GRSF1: variants seen among roughly 807,000 people sequenced by gnomAD.
GRSF1 encodes the protein G-rich sequence factor 1.
A neutral mutation model predicts 51.1 loss-of-function variants in GRSF1; 50 were observed. That is an observed-to-expected ratio of 0.98 (90% CI 0.78 to 1.24). The LOEUF is 1.24. GRSF1 is among the 50% of genes most tolerant of loss of function. GRSF1 has a pLI of 0.00. For synonymous variants in GRSF1, 293 were observed against 253.3 expected, an observed-to-expected ratio of 1.16 and a Z score of -1.49; for missense variants, 700 against 639.7, an observed-to-expected ratio of 1.09 and a Z score of -1.02.
upstream of GRSF1, among the ~76,000 whole-genome samples, chr4:70,840,698 G>A (rs568433478): frequency 6.6e-6 from 1 of 152,146 alleles, no homozygotes; most frequent in Non-Finnish European, 1.5e-5. Flanking sequence ...AGGAGGCGGA[G>A]GTTGCAGTGA....
At chr4:70,832,739 G>C (rs1443023573) in intron 3 of GRSF1, among the ~76,000 whole-genome samples, 1 of 152,246 alleles carries the variant, frequency 6.6e-6, no homozygotes, top group African/African-American at 2.4e-5. Flanking sequence ...CCTGAGGTCA[G>C]GAGTTTGAGA....
rs1734200223 is a variant in GRSF1, at chr4:70,836,176, C to T, written c.496G>A (p.Val166Met). The change falls in exon 2 of 10, where the codon GTG becomes ATG. Residue 166 changes from valine to methionine, a missense_variant. Physicochemically the swap from Val to Met is conservative, Grantham distance 21 (BLOSUM62 1). Transcript: ENST00000254799. ...GLPWSCTMED[V>M]LNFFSDCRIR... ...AATATACCTGAAAAAAAGTTAAGCA[C>T]ATCTTCCATAGTGCATGACCAGGGC... The T allele has an allele frequency of 6.5e-7, 1 of 1,548,296 alleles. No homozygotes were observed. Among genetic ancestry groups the T allele is most frequent in the Non-Finnish European group, 8.7e-7 (1 of 1,154,548 alleles).
At position 70,818,547 on chromosome 4, in the gene GRSF1, C is replaced by G. The variant is rs147136403; in HGVS notation, c.*2340G>C. The G allele has an allele frequency of 1.3e-5, 2 of 152,180 alleles. No homozygotes were observed. The highest frequency in any genetic ancestry group is 1.5e-5 in the Non-Finnish European group (1 of 68,036). 9.4% of individuals were successfully genotyped at this position (152,180 alleles called of 1,614,324 possible). A position where few individuals can be genotyped will look rare whatever the true frequency, so the allele number is the denominator to read the frequency against. On this transcript the variant is annotated 3_prime_UTR_variant, in exon 10 of 10. Transcript: ENST00000254799. Reference sequence around the variant, plus strand: ...ACATGACAGAAGCTTAAGTTACCCACGCATAAAGGGACACATACTCTATTT... The same window carrying G: ...ACATGACAGAAGCTTAAGTTACCCAGGCATAAAGGGACACATACTCTATTT...
rs745518563 is a variant in GRSF1 at position 70,825,415 on chromosome 4, T to A, written c.1274A>T (p.Lys425Met). The A allele has an allele frequency of 6.2e-7, 1 of 1,609,624 alleles. No individual in the cohort carries two copies. Among genetic ancestry groups the A allele is most frequent in the South Asian group, 1.1e-5 (1 of 90,494 alleles). Reference sequence around the variant, plus strand: ...GTATTCCATGGTGATTCTAACAGGCTTGAGTGGAGCAAAAAACTAAACGAC... The same window carrying A: ...GTATTCCATGGTGATTCTAACAGGCATGAGTGGAGCAAAAAACTAAACGAC... ...QDIINFFAPL[K>M]PVRITMEYSS... The change falls in exon 8 of 10, where the codon AAG (lysine) becomes ATG (methionine). Residue 425 changes from lysine to methionine, a missense_variant. Coordinates refer to ENST00000254799, the MANE Select transcript of GRSF1 (RefSeq NM_002092.4).
chr4:70,821,638 A>G (rs1437606495), intron 9 of GRSF1, among the ~76,000 whole-genome samples: 2 of 148,378 alleles, frequency 1.3e-5, no homozygotes, highest in African/African-American at 4.9e-5. Context: ...AGAATAGGAT[A>G]TAGTAATAGA....
At chr4:70,825,115 T>A (rs1445451071) in intron 8 of GRSF1, among the ~76,000 whole-genome samples, 181 bp downstream of exon 8, 1 of 151,882 alleles carries the variant, frequency 6.6e-6, no homozygotes, top group East Asian at 1.9e-4. Context: ...ATTTGCAGGA[T>A]AATTAGCAGA....
At chr4:70,832,710 G>C (rs1165838625) in intron 3 of GRSF1, among the ~76,000 whole-genome samples, 1 of 152,222 alleles carries the variant, frequency 6.6e-6, no homozygotes, top group African/African-American at 2.4e-5. Context: ...AACTTTGGGA[G>C]GCCAAGGCGG....
At chr4:70,826,318 T>C in intron 6 of GRSF1, 73 bp from the exon 7 acceptor site, 1 of 1,250,302 alleles carries the variant, frequency 8.0e-7, no homozygotes, top group South Asian at 1.5e-5. Flanking sequence ...TAATTAGGTA[T>C]GACTTTTATG....
At chr4:70,827,349 C>A (rs1232453957) in intron 6 of GRSF1, among the ~76,000 whole-genome samples, 1 of 151,976 alleles carries the variant, frequency 6.6e-6, no homozygotes, top group African/African-American at 2.4e-5. Context: ...CTTCCCCCAT[C>A]TTAATTTAAA....
chr4:70,823,304 G>A (rs1189866486), intron 9 of GRSF1, among the ~76,000 whole-genome samples: 1 of 152,032 alleles, frequency 6.6e-6, no homozygotes, highest in Non-Finnish European at 1.5e-5. Flanking sequence ...GGCTGAGGCA[G>A]GAGAATCTCT....
Position 70,832,344 on chromosome 4 carries a change from A to G in GRSF1, c.777T>C (p.Tyr259=), listed in dbSNP as rs1249369685. 4.3e-6 allele frequency: 7 copies of G among 1,613,684 alleles called. No individual in the cohort carries two copies. Among genetic ancestry groups the G allele is most frequent in the South Asian group, 3.3e-5 (3 of 91,072 alleles). Residue 259 remains tyrosine (Y), a synonymous_variant, in exon 4 of 10, where the codon TAT becomes TAC. Transcript: ENST00000254799. ...DGVVRLRGLP[Y]SCNEKDIVDF... ...CTACAATGTCTTTCTCATTGCAACTATAAGGAAGTCCTCTCAAACGAACCA... is the reference window on the plus strand; with the variant it reads ...CTACAATGTCTTTCTCATTGCAACTGTAAGGAAGTCCTCTCAAACGAACCA...
intron 2 of GRSF1, among the ~76,000 whole-genome samples, chr4:70,834,123 G>A (rs1734096773): frequency 6.6e-6 from 1 of 152,132 alleles, no homozygotes; most frequent in African/African-American, 2.4e-5. Context: ...GCCGGGCATG[G>A]TGATAGGTGC....
chr4:70,837,154 G>A (rs965613990), intron 1 of GRSF1, among the ~76,000 whole-genome samples: 1 of 152,238 alleles, frequency 6.6e-6, no homozygotes, highest in African/African-American at 2.4e-5. Context: ...AACGGCAGCA[G>A]TGTGAGGCTA....
At chr4:70,822,573 G>C (rs1009683638) in intron 9 of GRSF1, among the ~76,000 whole-genome samples, 2 of 135,660 alleles carry the variant, frequency 1.5e-5, no homozygotes, top group Non-Finnish European at 3.0e-5. Context: ...AAAAGAGTGA[G>C]ATTTCATATC....
chr4:70,830,426 C>G (rs75825141), intron 5 of GRSF1, among the ~76,000 whole-genome samples: 4,115 of 146,378 alleles, frequency 0.028, 81 homozygotes, highest in Middle Eastern at 0.056. Context: ...GCCTGGGTGA[C>G]AGAATAAGAC....
intron 5 of GRSF1, among the ~76,000 whole-genome samples, chr4:70,830,280 G>GCACA (rs1341788802): frequency 2.0e-5 from 3 of 151,820 alleles, no homozygotes; most frequent in East Asian, 1.9e-4. Flanking sequence ...ACGCACGCAC[G>GCACA]CACACACACA....
Position 70,839,860 on chromosome 4 carries a change from G to C in GRSF1, c.-33C>G, listed in dbSNP as rs939230185. 2.1e-6 allele frequency: 3 copies of C among 1,453,176 alleles called. No homozygotes were observed. The highest frequency in any genetic ancestry group is 1.8e-6 in the Non-Finnish European group (2 of 1,111,798). 90.0% of individuals were successfully genotyped at this position (1,453,176 alleles called of 1,614,324 possible). On this transcript the variant is annotated 5_prime_UTR_variant, in exon 1 of 10. Transcript: ENST00000254799. ...GGAGGCGGCGCAGGGCCTGAAGGCAGCTGCTCCAGCAGCGATGGTGGAACG... is the reference window on the plus strand; with the variant it reads ...GGAGGCGGCGCAGGGCCTGAAGGCACCTGCTCCAGCAGCGATGGTGGAACG...
intron 1 of GRSF1, chr4:70,839,071 G>C: frequency 1.6e-6 from 2 of 1,213,758 alleles, no homozygotes; most frequent in Non-Finnish European, 2.1e-6. Context: ...CGGGCTGCAC[G>C]GAAACTCCCA....
At chr4:70,831,705 G>C (rs1733975284) in intron 4 of GRSF1, 31 bp from the exon 5 acceptor site, 2 of 1,578,862 alleles carry the variant, frequency 1.3e-6, no homozygotes, top group Non-Finnish European at 8.6e-7. Context: ...AATGCTACTA[G>C]CAGGCTTTTT....
Sources: allele counts gnomAD v4.1 joint callset (sites outside exome capture counted in the v4.1 genomes callset), GRCh38; gene constraint gnomAD v4.1.1; transcripts MANE v1.5; gene names NCBI Gene and HGNC (gene_info 2026-07-23, HGNC 2026-07-21).